CACNA2D1: variants seen among roughly 807,000 people sequenced by gnomAD.
CACNA2D1 encodes the protein calcium voltage-gated channel auxiliary subunit alpha2delta 1, also known as voltage-dependent calcium channel subunit alpha-2/delta-1.
CACNA2D1 carries 53 observed loss-of-function variants against 171.5 expected under a neutral mutation model. That is an observed-to-expected ratio of 0.31 (90% CI 0.25 to 0.39). The LOEUF is 0.39. CACNA2D1 is among the 10% of genes least tolerant of loss of function. The pLI, the probability that CACNA2D1 is intolerant of heterozygous loss-of-function variation, is 1.00. For missense variants in CACNA2D1, 903 were observed against 1,299.8 expected (o/e 0.69, Z 4.69); for synonymous variants, 442 against 443.1 (o/e 1.00, Z 0.03).
Position 82,060,530 on chromosome 7 carries a change from A to G in CACNA2D1, c.780-3T>C. 6.4e-7 allele frequency: 1 copy of G among 1,568,884 alleles called. No individual in the cohort carries two copies. On this transcript the variant is annotated splice_region_variant and splice_polypyrimidine_tract_variant and intron_variant, in intron 9 of 38. Transcript: ENST00000356860. ...TCAATCCACTAACACTTCCACTCCT[A>G]GAAATAGACAAATGGGTCCATACAT...
At chr7:82,228,931 A>G (rs1186651825) in intron 3 of CACNA2D1, among the ~76,000 whole-genome samples, 2 of 152,156 alleles carry the variant, frequency 1.3e-5, no homozygotes, top group South Asian at 2.1e-4. Context: ...AAAAGCTCCT[A>G]AGATGACTCT....
intron 24 of CACNA2D1, among the ~76,000 whole-genome samples, chr7:81,981,932 T>C (rs1017896531): frequency 1.2e-4 from 18 of 152,334 alleles, no homozygotes; most frequent in Admixed American, 4.6e-4. Context: ...ATTATGTTCA[T>C]TCTACCCCTA....
intron 5 of CACNA2D1, among the ~76,000 whole-genome samples, chr7:82,133,888 C>T (rs970433202): frequency 9.9e-5 from 15 of 151,962 alleles, no homozygotes; most frequent in East Asian, 3.9e-4. Flanking sequence ...CTGGCTAACA[C>T]GGTGAAACCC....
At chr7:82,102,291 GA>G (rs1256219866) in intron 6 of CACNA2D1, among the ~76,000 whole-genome samples, 1 of 151,782 alleles carries the variant, frequency 6.6e-6, no homozygotes, top group Non-Finnish European at 1.5e-5. Context: ...TTTTGATTTT[GA>G]AACATCTTGG....
At chr7:82,013,371 T>C in intron 14 of CACNA2D1, 90 bp downstream of exon 14, 1 of 450,548 alleles carries the variant, frequency 2.2e-6, no homozygotes, top group Non-Finnish European at 3.6e-6. Flanking sequence ...TTTTCATTCT[T>C]GCTAATTTTC....
intron 2 of CACNA2D1, among the ~76,000 whole-genome samples, chr7:82,337,926 C>T (rs949087986): frequency 8.7e-4 from 133 of 152,224 alleles, no homozygotes; most frequent in African/African-American, 3.1e-3. Context: ...AACCAACTGG[C>T]TTTAATGTAC....
intron 3 of CACNA2D1, among the ~76,000 whole-genome samples, chr7:82,192,863 T>C (rs1191320856): frequency 6.6e-6 from 1 of 151,478 alleles, no homozygotes. Context: ...TGCTCCAGAA[T>C]ATATTATTAT....
At chr7:82,140,978 A>AAAAAAAAAAAAAAAAAAAAAAAAAC (rs1792317372) in intron 4 of CACNA2D1, among the ~76,000 whole-genome samples, 1 of 151,082 alleles carries the variant, frequency 6.6e-6, no homozygotes, top group Non-Finnish European at 1.5e-5. Flanking sequence ...AAGAAAAAAA[A>AAAAAAAAAAAAAAAAAAAAAAAAAC]ATTGCAATTA....
At chr7:82,417,329 C>T (rs533000481) in intron 1 of CACNA2D1, among the ~76,000 whole-genome samples, 1 of 152,244 alleles carries the variant, frequency 6.6e-6, no homozygotes, top group African/African-American at 2.4e-5. Flanking sequence ...GAAATTTACC[C>T]CTGGACATTT....
At chr7:81,964,696 G>A (rs1425209362) in intron 32 of CACNA2D1, among the ~76,000 whole-genome samples, 4 of 151,848 alleles carry the variant, frequency 2.6e-5, no homozygotes, top group Non-Finnish European at 5.9e-5. Flanking sequence ...CAAAGAAGCA[G>A]TTATGTAGAA....
chr7:82,137,969 C>G (rs999917448), intron 4 of CACNA2D1, among the ~76,000 whole-genome samples: 40 of 152,128 alleles, frequency 2.6e-4, no homozygotes, highest in African/African-American at 9.7e-4. Flanking sequence ...CTTTCCCCCT[C>G]CCCGCAAAAA....
intron 1 of CACNA2D1, among the ~76,000 whole-genome samples, chr7:82,387,824 T>A (rs1195383038): frequency 6.6e-6 from 1 of 152,188 alleles, no homozygotes; most frequent in Non-Finnish European, 1.5e-5. Flanking sequence ...CTCATGCTTG[T>A]AATCCCAGCA....
At chr7:82,158,175 T>C (rs1794561571) in intron 4 of CACNA2D1, among the ~76,000 whole-genome samples, 1 of 151,932 alleles carries the variant, frequency 6.6e-6, no homozygotes, top group Non-Finnish European at 1.5e-5. Context: ...TACAAACATA[T>C]GTAAACTATA....
At chr7:82,315,493 T>C (rs1483595420) in intron 3 of CACNA2D1, among the ~76,000 whole-genome samples, 2 of 152,048 alleles carry the variant, frequency 1.3e-5, no homozygotes, top group Non-Finnish European at 2.9e-5. Context: ...ATGGATTGAA[T>C]TTTCTCATTA....
chr7:82,336,200 C>T (rs1399398901), intron 2 of CACNA2D1, among the ~76,000 whole-genome samples: 1 of 152,150 alleles, frequency 6.6e-6, no homozygotes, highest in Non-Finnish European at 1.5e-5. Flanking sequence ...ATCAGTTCAA[C>T]CCTGCTTTTT....
intron 7 of CACNA2D1, among the ~76,000 whole-genome samples, chr7:82,076,283 T>G (rs1268849119): frequency 1.3e-5 from 2 of 152,178 alleles, no homozygotes; most frequent in Non-Finnish European, 2.9e-5. Context: ...ACACAATTGA[T>G]GGATAGTATA....
rs1828769361 is a variant in CACNA2D1, at chr7:82,422,110, AT to A, written c.95+21254del. 3.9e-5 allele frequency among the ~76,000 whole-genome samples: 6 copies of A among 152,308 alleles called. No individual in the cohort carries two copies. In the South Asian group the frequency reaches 1.2e-3, roughly 32 times the overall value. ...TCCCATATTTTTACCCAAATGGCAA[AT>A]AAAGTAATTAAAATATTCATGTTTA... On this transcript the variant is annotated intron_variant, in intron 1 of 38. Transcript: ENST00000356860.
chr7:82,359,184 C>T (rs1034684598), intron 1 of CACNA2D1, among the ~76,000 whole-genome samples: 2 of 152,154 alleles, frequency 1.3e-5, no homozygotes, highest in Admixed American at 6.5e-5. Flanking sequence ...ATTCTAATTG[C>T]TCATTACAAA....
At chr7:82,350,366 A>C (rs2129445985) in intron 1 of CACNA2D1, among the ~76,000 whole-genome samples, 1 of 152,318 alleles carries the variant, frequency 6.6e-6, no homozygotes, top group African/African-American at 2.4e-5. Flanking sequence ...CCTGAAGCTT[A>C]AGAATATTTT....
Sources: gnomAD v4.1 joint callset for allele counts (sites outside exome capture counted in the v4.1 genomes callset) on GRCh38, gnomAD v4.1.1 for gene constraint, MANE v1.5 for transcripts, NCBI Gene and HGNC (gene_info 2026-07-23, HGNC 2026-07-21) for gene names.